The following ULK4 variants were observed in gnomAD, a reference collection of about 807,000 sequenced individuals.
ULK4 encodes inactive serine/threonine-protein kinase ULK4.
ULK4 carries 133 observed loss-of-function variants against 160.6 expected under a neutral mutation model. The observed-to-expected ratio is 0.83, with a 90% confidence interval of 0.72 to 0.96. The LOEUF is 0.96. Among genes scored for constraint, ULK4 ranks in the 40% least tolerant of loss-of-function variants. ULK4 has a pLI of 0.00. For synonymous variants in ULK4, 534 were observed against 539.8 expected, an observed-to-expected ratio of 0.99 and a Z score of 0.15; for missense variants, 1,580 against 1,499.5, an observed-to-expected ratio of 1.05 and a Z score of -0.89.
intron 19 of ULK4, among the ~76,000 whole-genome samples, chr3:41,807,397 A>G (rs1215255728): frequency 3.3e-5 from 5 of 152,152 alleles, no homozygotes; most frequent in Non-Finnish European, 5.9e-5. Flanking sequence ...ATATGCATTT[A>G]CTGTTTTTTC....
chr3:41,947,115 C>T (rs547422345), intron 2 of ULK4, among the ~76,000 whole-genome samples: 93 of 152,258 alleles, frequency 6.1e-4, no homozygotes, highest in African/African-American at 2.2e-3. Flanking sequence ...ATCACAAGGT[C>T]GGGAGATCGA....
intron 29 of ULK4, among the ~76,000 whole-genome samples, chr3:41,678,173 TTCATACACACACACACACAC>T (rs1287235754): frequency 1.2e-4 from 16 of 128,772 alleles, no homozygotes; most frequent in Non-Finnish European, 2.1e-4. Context: ...AAATCTTTAT[TTCATACACACACACACACAC>T]ACACACACAC....
rs576287879 is a variant in ULK4, at chr3:41,305,583, C to T, written c.3679-56009G>A. On this transcript the variant is annotated intron_variant, in intron 35 of 36. Coordinates refer to ENST00000301831, the MANE Select transcript of ULK4 (RefSeq NM_017886.4). The stretch of plus-strand genomic sequence containing the variant: ...CTCGGCTCGCTACAACGTCCACCTC[C>T]CAGCCGCCTGCCTTGGCCTCCCAAA... Among the ~76,000 whole-genome samples, 4 of 152,318 alleles carry T rather than the reference C, an allele frequency of 2.6e-5. No individual in the cohort carries two copies. The East Asian group carries it at 5.8e-4, about 22-fold the overall frequency.
chr3:41,804,248 A>AT (rs2040564415), intron 19 of ULK4, among the ~76,000 whole-genome samples: 1 of 151,798 alleles, frequency 6.6e-6, no homozygotes, highest in Non-Finnish European at 1.5e-5. Context: ...GATGGTGAGC[A>AT]TTTTTTCATG....
intron 31 of ULK4, among the ~76,000 whole-genome samples, chr3:41,579,939 A>G (rs903867263): frequency 3.9e-5 from 6 of 152,086 alleles, no homozygotes; most frequent in Admixed American, 2.0e-4. Flanking sequence ...AGCAAGTGCA[A>G]TCTTTCCCTT....
At chr3:41,506,767 A>AAAAAAAAAAAATATATATAT in intron 32 of ULK4, among the ~76,000 whole-genome samples, 3 of 56,766 alleles carry the variant, frequency 5.3e-5, no homozygotes, top group African/African-American at 2.5e-4. Flanking sequence ...TGTGATTTAA[A>AAAAAAAAAAAATATATATAT]ATATATATAT....
At position 41,729,122 on chromosome 3, in the gene ULK4, G is replaced by A. The variant is rs117149828; in HGVS notation, c.2322-11261C>T. On this transcript the variant is annotated intron_variant, in intron 22 of 36. Coordinates refer to ENST00000301831, the MANE Select transcript of ULK4 (RefSeq NM_017886.4). ...TGAAGTACAGCAGGGGAGTGGCAGA[G>A]ACACCATGGAACATGAAGACTCAGG... Among the ~76,000 whole-genome samples, 171 of 152,288 alleles carry A rather than the reference G, an allele frequency of 1.1e-3. 4 individuals are homozygous for A. The East Asian group carries it at 0.031, about 28-fold the overall frequency.
At chr3:41,773,624 A>G (rs2039490076) in intron 21 of ULK4, among the ~76,000 whole-genome samples, 1 of 152,210 alleles carries the variant, frequency 6.6e-6, no homozygotes, top group Admixed American at 6.5e-5. Flanking sequence ...AAGAATCAAT[A>G]TCGTGAAAAG....
rs543927729 is a variant in ULK4, at chr3:41,621,982, A to G, written c.3072-6265T>C. Among the ~76,000 whole-genome samples, 13 of 152,342 alleles carry G rather than the reference A, an allele frequency of 8.5e-5. No homozygotes were observed. The East Asian group carries it at 2.5e-3, about 29-fold the overall frequency. ...GAACAGACACTTCTCAAAAGAAGAC[A>G]TTTACGTGGCCAACAAACATATGAA... On this transcript the variant is annotated intron_variant, in intron 30 of 36. Transcript: ENST00000301831.
At chr3:41,431,470 A>C (rs1368036825) in intron 34 of ULK4, among the ~76,000 whole-genome samples, 1 of 149,666 alleles carries the variant, frequency 6.7e-6, no homozygotes, top group Non-Finnish European at 1.5e-5. Context: ...ACATATGCCA[A>C]GGGCTGTGCT....
chr3:41,825,562 G>C (rs1221425563), intron 18 of ULK4, among the ~76,000 whole-genome samples: 3 of 152,240 alleles, frequency 2.0e-5, no homozygotes, highest in Non-Finnish European at 4.4e-5. Flanking sequence ...AAGGGTATCA[G>C]TGATGGAAGA....
rs531827082 is a variant in ULK4 at position 41,624,878 on chromosome 3, A to C, written c.3072-9161T>G. ...TGTTTCCGTATCTTGTCTATTATGG[A>C]TAATGCTGCAATGAATAGTAATCAC... On this transcript the variant is annotated intron_variant, in intron 30 of 36. Transcript: ENST00000301831. Among the ~76,000 whole-genome samples, 5 of 152,212 alleles carry C rather than the reference A, an allele frequency of 3.3e-5. No individual in the cohort carries two copies. The South Asian group carries it at 1.0e-3, about 32-fold the overall frequency.
intron 35 of ULK4, among the ~76,000 whole-genome samples, chr3:41,395,191 C>CAAAAAA (rs11365283): frequency 1.0e-4 from 11 of 106,374 alleles, no homozygotes; most frequent in African/African-American, 3.5e-4. Context: ...GAAAGCACTC[C>CAAAAAA]AAAAAAAAAA....
chr3:41,860,086 CAGAAA>C (rs1206762902), intron 17 of ULK4, among the ~76,000 whole-genome samples: 1 of 152,178 alleles, frequency 6.6e-6, no homozygotes, highest in African/African-American at 2.4e-5. Flanking sequence ...CCATAGTGGT[CAGAAA>C]AGAGGCTTGA....
At chr3:41,624,345 C>G (rs2033389373) in intron 30 of ULK4, among the ~76,000 whole-genome samples, 1 of 152,182 alleles carries the variant, frequency 6.6e-6, no homozygotes, top group Non-Finnish European at 1.5e-5. Context: ...AACATAAATG[C>G]CACGACTTCT....
chr3:41,867,277 C>T (rs1459138673), intron 17 of ULK4, among the ~76,000 whole-genome samples: 1 of 152,208 alleles, frequency 6.6e-6, no homozygotes, highest in African/African-American at 2.4e-5. Context: ...CCTAAACCAG[C>T]AGCATCAAAA....
intron 34 of ULK4, among the ~76,000 whole-genome samples, chr3:41,438,732 TGG>T (rs2083091772): frequency 6.6e-6 from 1 of 151,730 alleles, no homozygotes; most frequent in Non-Finnish European, 1.5e-5. Context: ...GAGACTGAGG[TGG>T]GAGGATCACT....
intron 35 of ULK4, among the ~76,000 whole-genome samples, chr3:41,377,677 C>T (rs1257166874): frequency 6.8e-5 from 10 of 146,836 alleles, no homozygotes; most frequent in South Asian, 2.2e-4. Context: ...CAATGAGATA[C>T]CATCTCACAC....
intron 22 of ULK4, among the ~76,000 whole-genome samples, chr3:41,719,122 G>A (rs1043390444): frequency 1.3e-5 from 2 of 152,128 alleles, no homozygotes; most frequent in Non-Finnish European, 2.9e-5. Flanking sequence ...CAATACTGTT[G>A]CCACTCCTGC....
Sources: gnomAD v4.1 joint callset for allele counts (sites outside exome capture counted in the v4.1 genomes callset) on GRCh38, gnomAD v4.1.1 for gene constraint, MANE v1.5 for transcripts, NCBI Gene and HGNC (gene_info 2026-07-23, HGNC 2026-07-21) for gene names.